The following CDH18 variants were observed in gnomAD, a reference collection of about 807,000 sequenced individuals.
The protein encoded by CDH18 is cadherin-18.
CDH18 carries 31 observed loss-of-function variants against 67.9 expected under a neutral mutation model. The observed-to-expected ratio is 0.46, with a 90% CI of 0.34 to 0.62. The LOEUF is 0.62. CDH18 is among the 20% of genes least tolerant of loss of function. The pLI is 0.01. For synonymous variants in CDH18, 362 were observed against 347.2 expected (o/e 1.04, Z -0.48); for missense variants, 890 against 975.5 (o/e 0.91, Z 1.17).
chr5:19,662,229 T>C (rs1324562879), intron 5 of CDH18, among the ~76,000 whole-genome samples: 1 of 152,022 alleles, frequency 6.6e-6, no homozygotes, highest in African/African-American at 2.4e-5. Flanking sequence ...TCATTTTACT[T>C]GCGTCCCATT....
chr5:20,563,256 T>C (rs923943701), intron 1 of CDH18, among the ~76,000 whole-genome samples: 1 of 152,090 alleles, frequency 6.6e-6, no homozygotes, highest in Non-Finnish European at 1.5e-5. Context: ...AATGTTGACA[T>C]ATGTGAGAGC....
At chr5:19,892,725 T>C (rs1022238672) in intron 2 of CDH18, among the ~76,000 whole-genome samples, 39 of 152,064 alleles carry the variant, frequency 2.6e-4, no homozygotes, top group African/African-American at 9.2e-4. Context: ...GAGGCCCAGA[T>C]AGAAAGGTAC....
intron 7 of CDH18, among the ~76,000 whole-genome samples, chr5:19,583,606 G>C (rs1242816444): frequency 6.6e-6 from 1 of 151,980 alleles, no homozygotes; most frequent in Non-Finnish European, 1.5e-5. Context: ...ATTAAAAACT[G>C]GTGCAAAAAT....
rs543280050 is a variant in CDH18, at chr5:20,481,330, T to A, written c.-580+94132A>T. Among the ~76,000 whole-genome samples, 27 of 151,982 alleles carry A rather than the reference T, an allele frequency of 1.8e-4. 1 individual carries two copies. Among genetic ancestry groups the A allele is most frequent in the Admixed American group, 7.9e-4 (12 of 15,244 alleles). On this transcript the variant is annotated intron_variant, in intron 1 of 14. Coordinates refer to the CDH18 transcript ENST00000507958. Reference sequence around the variant, plus strand: ...GTCAAAATCCGAGGACTCAGATACATAAAGCAAATATTATTAAAGCTAAAA... The same window carrying A: ...GTCAAAATCCGAGGACTCAGATACAAAAAGCAAATATTATTAAAGCTAAAA...
intron 5 of CDH18, among the ~76,000 whole-genome samples, chr5:19,710,148 A>T (rs1764531405): frequency 1.3e-5 from 2 of 152,158 alleles, no homozygotes; most frequent in South Asian, 4.1e-4. Flanking sequence ...AAACAAAAAT[A>T]AAACACTCAT....
intron 5 of CDH18, among the ~76,000 whole-genome samples, chr5:19,654,722 G>T (rs1374727591): frequency 6.6e-6 from 1 of 152,162 alleles, no homozygotes; most frequent in Non-Finnish European, 1.5e-5. Flanking sequence ...GGAAGAATCA[G>T]ATCACACAGA....
At chr5:19,619,860 T>C (rs1052038707) in intron 5 of CDH18, among the ~76,000 whole-genome samples, 1 of 152,196 alleles carries the variant, frequency 6.6e-6, no homozygotes, top group African/African-American at 2.4e-5. Flanking sequence ...GATTAAAACC[T>C]CAGATTTTAT....
At chr5:20,468,002 TTATG>T (rs374234794) in intron 1 of CDH18, among the ~76,000 whole-genome samples, 5 of 69,868 alleles carry the variant, frequency 7.2e-5, no homozygotes, top group South Asian at 6.2e-4. Flanking sequence ...ATGTATTTAT[TTATG>T]TATTTATTTA....
Position 19,539,579 on chromosome 5 carries a change from G to T in CDH18, c.1390+4290C>A, listed in dbSNP as rs563530072. Among the ~76,000 whole-genome samples, 5 of 152,244 alleles carry T rather than the reference G, an allele frequency of 3.3e-5. No individual in the cohort carries two copies. In the South Asian group the frequency reaches 1.0e-3, roughly 32 times the overall value. On this transcript the variant is annotated intron_variant, in intron 9 of 12. Transcript: ENST00000382275. Reference sequence around the variant, plus strand: ...CTCTTTTCTGAAGAATTAGCTCAATGCCTTTGTATTAGTCTGTTCTCACAC... The same window carrying T: ...CTCTTTTCTGAAGAATTAGCTCAATTCCTTTGTATTAGTCTGTTCTCACAC...
At chr5:20,392,103 GATAAA>G (rs1343541256) in intron 1 of CDH18, among the ~76,000 whole-genome samples, 1 of 151,672 alleles carries the variant, frequency 6.6e-6, no homozygotes, top group Non-Finnish European at 1.5e-5. Flanking sequence ...TTTAAAGAAA[GATAAA>G]ATAATATCTG....
At chr5:20,285,066 C>T (rs1170057623) in intron 1 of CDH18, among the ~76,000 whole-genome samples, 1 of 151,652 alleles carries the variant, frequency 6.6e-6, no homozygotes, top group Admixed American at 6.6e-5. Flanking sequence ...TCATACCCAT[C>T]CCCTCTCATA....
At chr5:19,663,907 A>G (rs1036723349) in intron 5 of CDH18, among the ~76,000 whole-genome samples, 8 of 151,732 alleles carry the variant, frequency 5.3e-5, no homozygotes, top group African/African-American at 1.9e-4. Context: ...TTCCAGTACC[A>G]TAAGTTACAC....
At chr5:20,068,985 C>T (rs1743210571) in intron 2 of CDH18, among the ~76,000 whole-genome samples, 1 of 152,050 alleles carries the variant, frequency 6.6e-6, no homozygotes, top group Non-Finnish European at 1.5e-5. Context: ...AATTTTTTTG[C>T]CCTTCTAATT....
chr5:20,564,566 C>T (rs1470030269), intron 1 of CDH18, among the ~76,000 whole-genome samples: 1 of 152,072 alleles, frequency 6.6e-6, no homozygotes, highest in Non-Finnish European at 1.5e-5. Flanking sequence ...ATTTTAAATA[C>T]AACTCAAATA....
intron 1 of CDH18, among the ~76,000 whole-genome samples, chr5:20,334,045 A>G (rs1739451842): frequency 6.6e-6 from 1 of 152,096 alleles, no homozygotes; most frequent in South Asian, 2.1e-4. Flanking sequence ...GAGTAGAGGA[A>G]GAAGAAGGAA....
intron 2 of CDH18, among the ~76,000 whole-genome samples, chr5:20,180,462 G>A (rs1737597966): frequency 6.6e-6 from 1 of 152,136 alleles, no homozygotes; most frequent in Non-Finnish European, 1.5e-5. Context: ...GTTATTGAAA[G>A]ATTGTGTTTC....
intron 2 of CDH18, among the ~76,000 whole-genome samples, chr5:20,080,033 T>C (rs954839084): frequency 1.3e-5 from 2 of 152,114 alleles, no homozygotes; most frequent in South Asian, 4.1e-4. Context: ...TAACATCACA[T>C]TGGCAATTTA....
chr5:20,281,590 G>A (rs556340947), intron 1 of CDH18, among the ~76,000 whole-genome samples: 1,914 of 152,060 alleles, frequency 0.013, 27 homozygotes, highest in South Asian at 0.031. Flanking sequence ...TACCAGTACC[G>A]TGCTGTTTTG....
chr5:20,278,282 C>T (rs999726786), intron 1 of CDH18, among the ~76,000 whole-genome samples: 6 of 151,892 alleles, frequency 4.0e-5, no homozygotes, highest in African/African-American at 1.5e-4. Context: ...AAACAAATAA[C>T]ATAGGATGGA....
Sources: allele counts gnomAD v4.1 joint callset (sites outside exome capture counted in the v4.1 genomes callset), GRCh38; gene constraint gnomAD v4.1.1; transcripts MANE v1.5; gene names NCBI Gene and HGNC (gene_info 2026-07-23, HGNC 2026-07-21).